The following AATF variants were observed in gnomAD, a reference collection of about 807,000 sequenced individuals.
AATF encodes the protein protein AATF.
Under a neutral mutation model 63.7 loss-of-function variants are expected in AATF, and 48 were observed. The ratio of observed to expected loss-of-function variants is 0.75; its 90% confidence interval spans 0.60 to 0.96. AATF has a LOEUF of 0.96. Ranked by LOEUF, AATF falls within the 40% of genes least tolerant of loss-of-function variation. The pLI, the probability that AATF is intolerant of heterozygous loss-of-function variation, is 0.00. For synonymous variants in AATF, 258 were observed against 247.7 expected, an observed-to-expected ratio of 1.04 and a Z score of -0.39; for missense variants, 639 against 685.7, an observed-to-expected ratio of 0.93 and a Z score of 0.76.
At chr17:37,015,705 G>A (rs1372252289) in intron 8 of AATF, among the ~76,000 whole-genome samples, 1 of 152,092 alleles carries the variant, frequency 6.6e-6, no homozygotes, top group Non-Finnish European at 1.5e-5. Context: ...GGGGTGGGAG[G>A]GCAGACACCA....
intron 11 of AATF, among the ~76,000 whole-genome samples, chr17:37,046,232 G>C (rs2071689157): frequency 6.6e-6 from 1 of 152,128 alleles, no homozygotes; most frequent in African/African-American, 2.4e-5. Flanking sequence ...GGCAGGAGAT[G>C]AGTTTAGGGG....
chr17:36,954,437 AAGGG>A (rs2070883315), intron 4 of AATF, among the ~76,000 whole-genome samples: 2 of 152,184 alleles, frequency 1.3e-5, no homozygotes, highest in Non-Finnish European at 2.9e-5. Flanking sequence ...CTGATGTAGA[AAGGG>A]AGAAAAAGAA....
At chr17:36,982,415 A>G (rs553731866) in intron 4 of AATF, among the ~76,000 whole-genome samples, 2 of 152,084 alleles carry the variant, frequency 1.3e-5, no homozygotes, top group South Asian at 2.1e-4. Flanking sequence ...GTACAGTGGT[A>G]CAATCTTGGC....
intron 8 of AATF, among the ~76,000 whole-genome samples, chr17:37,003,396 TTAAG>T (rs1367406429): frequency 2.0e-5 from 3 of 151,698 alleles, no homozygotes; most frequent in East Asian, 1.9e-4. Flanking sequence ...TGCAGGTAGA[TTAAG>T]TAAGATGAGG....
chr17:37,041,122 T>G (rs2071636109), intron 11 of AATF, among the ~76,000 whole-genome samples: 1 of 152,244 alleles, frequency 6.6e-6, no homozygotes, highest in South Asian at 2.1e-4. Context: ...CTTTTACATG[T>G]TTTCTTATAG....
At chr17:37,009,019 A>C (rs938930924) in intron 8 of AATF, among the ~76,000 whole-genome samples, 3 of 152,240 alleles carry the variant, frequency 2.0e-5, no homozygotes, top group African/African-American at 7.2e-5. Flanking sequence ...CCTGAGAAGA[A>C]CCAACTTTTT....
At position 36,953,161 on chromosome 17, in the gene AATF, G is replaced by C. The variant is rs1342536843; in HGVS notation, c.559G>C (p.Glu187Gln). ...TGGCATGGAAGAAGGGGATGACGCG[G>C]AAGACTCCCAAGGCGAGAGTGAGGA... is the stretch of plus-strand genomic sequence containing the variant. Reference protein sequence around the residue: ...ESGMEEGDDAEDSQGESEEDR... With the variant: ...ESGMEEGDDAQDSQGESEEDR... The change falls in exon 3 of 12, where the codon GAA becomes CAA. Residue 187 changes from glutamate to glutamine, a missense_variant. Coordinates refer to ENST00000619387, the MANE Select transcript of AATF (RefSeq NM_012138.4). 6.2e-7 allele frequency: 1 copy of C among 1,614,052 alleles called. No individual in the cohort carries two copies. Among genetic ancestry groups the C allele is most frequent in the Non-Finnish European group, 8.5e-7 (1 of 1,180,044 alleles).
intron 10 of AATF, 157 bp downstream of exon 10, chr17:37,021,171 T>C (rs1003234342): frequency 4.1e-5 from 22 of 530,402 alleles, no homozygotes; most frequent in Middle Eastern, 4.9e-4. Context: ...AACTCAGTTT[T>C]TCTTATTCTA....
intron 9 of AATF, 96 bp downstream of exon 9, chr17:37,019,168 C>G (rs1597727925): frequency 1.0e-6 from 1 of 993,910 alleles, no homozygotes; most frequent in South Asian, 1.4e-5. Flanking sequence ...AATGATTGGT[C>G]CTATAATTAT....
At chr17:37,024,184 G>A (rs1161158177) in intron 10 of AATF, among the ~76,000 whole-genome samples, 7 of 152,222 alleles carry the variant, frequency 4.6e-5, no homozygotes, top group Non-Finnish European at 8.8e-5. Flanking sequence ...CTGAGGTGCT[G>A]TGTGGGAGGT....
Position 36,953,285 on chromosome 17 carries a change from A to C in AATF, c.683A>C (p.Lys228Thr), listed in dbSNP as rs749809640. 6.2e-7 allele frequency: 1 copy of C among 1,613,386 alleles called. No homozygotes were observed. The highest frequency in any genetic ancestry group is 8.5e-7 in the Non-Finnish European group (1 of 1,179,354). Residue 228 changes from lysine to threonine, a missense_variant, in exon 3 of 12, where the codon AAG becomes ACG. Physicochemically the swap from Lys to Thr is moderately conservative, Grantham distance 78. Transcript: ENST00000619387. ...SEEVEKGRAV[K>T]NQIALWDQLL... ...GAAGTGGAGAAAGGAAGAGCCGTGA[A>C]GAACCAGATAGGTTTGTACATGGTT...
chr17:37,012,945 A>G (rs1597725642), intron 8 of AATF, among the ~76,000 whole-genome samples: 1 of 152,318 alleles, frequency 6.6e-6, no homozygotes. Context: ...GGGTTAGGCA[A>G]TGGTTTCTTA....
At chr17:36,968,498 A>G (rs2071013534) in intron 4 of AATF, among the ~76,000 whole-genome samples, 1 of 151,522 alleles carries the variant, frequency 6.6e-6, no homozygotes, top group Admixed American at 6.6e-5. Context: ...CTTGTCTTAA[A>G]TTCCTGAGCT....
chr17:37,041,554 G>C (rs927215300), intron 11 of AATF, among the ~76,000 whole-genome samples: 1 of 152,064 alleles, frequency 6.6e-6, no homozygotes, highest in African/African-American at 2.4e-5. Flanking sequence ...CGCCCAGGCT[G>C]AAGTGCAATG....
chr17:37,028,320 C>T (rs1016250493), intron 10 of AATF, among the ~76,000 whole-genome samples: 1 of 151,538 alleles, frequency 6.6e-6, no homozygotes, highest in African/African-American at 2.4e-5. Context: ...TGGTGGTGGT[C>T]GGGGCTGGGA....
chr17:37,029,258 T>C (rs2071534179), intron 10 of AATF, among the ~76,000 whole-genome samples: 1 of 151,674 alleles, frequency 6.6e-6, no homozygotes, highest in Non-Finnish European at 1.5e-5. Flanking sequence ...TTATTTATTT[T>C]TTTGAGACAG....
intron 4 of AATF, among the ~76,000 whole-genome samples, chr17:36,960,744 C>T (rs148305319): frequency 2.0e-5 from 3 of 152,268 alleles, no homozygotes; most frequent in East Asian, 1.9e-4. Flanking sequence ...GGGATAAAGG[C>T]ACTTGCAACC....
intron 4 of AATF, among the ~76,000 whole-genome samples, chr17:36,977,243 A>G (rs1188877714): frequency 6.6e-6 from 1 of 152,208 alleles, no homozygotes; most frequent in Non-Finnish European, 1.5e-5. Flanking sequence ...GCTGGATGAC[A>G]GGCTGAAGCT....
chr17:36,971,491 A>G (rs1236762963), intron 4 of AATF, among the ~76,000 whole-genome samples: 3 of 152,248 alleles, frequency 2.0e-5, no homozygotes, highest in African/African-American at 7.2e-5. Context: ...TAGTACAGCC[A>G]CTTTGGAAAA....
Sources: allele counts gnomAD v4.1 joint callset (sites outside exome capture counted in the v4.1 genomes callset), GRCh38; gene constraint gnomAD v4.1.1; transcripts MANE v1.5; gene names NCBI Gene and HGNC (gene_info 2026-07-23, HGNC 2026-07-21).